The following LRMDA variants were observed in gnomAD, a reference collection of about 807,000 sequenced individuals.
LRMDA encodes the protein leucine-rich melanocyte differentiation-associated protein.
In LRMDA, 18 loss-of-function variants were observed where a neutral mutation model predicts 29.8. The observed-to-expected ratio is 0.60, with a 90% CI of 0.42 to 0.90. LRMDA has a LOEUF of 0.90. Ranked by LOEUF, LRMDA falls within the 40% of genes least tolerant of loss-of-function variation. LRMDA has a pLI of 0.00. For synonymous variants in LRMDA, 125 were observed against 109.4 expected (o/e 1.14, Z -0.89); for missense variants, 273 against 273.9 (o/e 1.00, Z 0.02).
chr10:76,168,493 C>T (rs1018134653), intron 5 of LRMDA, among the ~76,000 whole-genome samples: 1 of 152,164 alleles, frequency 6.6e-6, no homozygotes, highest in African/African-American at 2.4e-5. Flanking sequence ...AACAACTTTG[C>T]TCAAACAGAA....
chr10:75,656,056 A>G (rs1053283717), intron 2 of LRMDA, among the ~76,000 whole-genome samples: 5 of 152,126 alleles, frequency 3.3e-5, no homozygotes, highest in African/African-American at 1.2e-4. Context: ...TTTTTTGAGG[A>G]TAGTGCATAT....
chr10:76,223,700 C>T (rs944900936), intron 5 of LRMDA, among the ~76,000 whole-genome samples: 1 of 152,164 alleles, frequency 6.6e-6, no homozygotes, highest in East Asian at 1.9e-4. Flanking sequence ...CCCACCAGAA[C>T]CAACCATGCT....
rs1045982768 is a variant in LRMDA, at chr10:76,453,827, T to A, written c.602-103382T>A. On this transcript the variant is annotated intron_variant, in intron 6 of 6. Coordinates refer to ENST00000611255, the MANE Select transcript of LRMDA (RefSeq NM_001305581.2). ...TAATGTTCATAATTGTACCATTTGA[T>A]GCATTAAGATAAGTGAGCCAAAGAT... 1.5e-3 allele frequency among the ~76,000 whole-genome samples: 223 copies of A among 152,324 alleles called. 3 individuals carry two copies. Among genetic ancestry groups the A allele is most frequent in the Non-Finnish European group, 2.1e-4 (14 of 68,026 alleles).
At chr10:75,753,341 A>G (rs1221466689) in intron 2 of LRMDA, among the ~76,000 whole-genome samples, 2 of 152,256 alleles carry the variant, frequency 1.3e-5, no homozygotes, top group Non-Finnish European at 2.9e-5. Context: ...AGATAAACAA[A>G]TAAATTTAAA....
At chr10:75,490,732 C>A (rs963374091) in intron 2 of LRMDA, among the ~76,000 whole-genome samples, 3 of 152,102 alleles carry the variant, frequency 2.0e-5, no homozygotes, top group African/African-American at 7.2e-5. Flanking sequence ...GTTTTTCCAT[C>A]TATGTGACCC....
At chr10:75,467,956 TCACACACACACACACACACACACACACA>T (rs61295526) in intron 2 of LRMDA, among the ~76,000 whole-genome samples, 1 of 130,058 alleles carries the variant, frequency 7.7e-6, no homozygotes, top group East Asian at 2.3e-4. Context: ...TGAGACTCCG[TCACACACACACACACACACACACACACA>T]CACACACACA....
chr10:76,493,028 A>T (rs1842849011), intron 6 of LRMDA, among the ~76,000 whole-genome samples: 1 of 152,008 alleles, frequency 6.6e-6, no homozygotes, highest in Admixed American at 6.6e-5. Flanking sequence ...CTACCTGGTT[A>T]CCACATGTGA....
At chr10:75,920,590 G>A (rs1385225681) in intron 2 of LRMDA, among the ~76,000 whole-genome samples, 4 of 152,164 alleles carry the variant, frequency 2.6e-5, no homozygotes, top group Non-Finnish European at 5.9e-5. Context: ...AGTATATAGA[G>A]GAAAATTCCC....
chr10:76,291,485 C>A (rs1011603339), intron 5 of LRMDA, among the ~76,000 whole-genome samples: 27 of 152,248 alleles, frequency 1.8e-4, no homozygotes, highest in African/African-American at 5.5e-4. Flanking sequence ...GCTTTTCTTT[C>A]TCCTAGTTAG....
chr10:76,156,368 A>G lies in LRMDA; in HGVS notation c.516+97585A>G, dbSNP rs776472323. 3.9e-5 allele frequency among the ~76,000 whole-genome samples: 6 copies of G among 152,184 alleles called. 1 individual carries two copies. Among genetic ancestry groups the G allele is most frequent in the South Asian group, 4.1e-4 (2 of 4,830 alleles). Reference sequence around the variant, plus strand: ...ATTTTGCTTCTCTTCTATGAAAAAAACCGACTGTTTTCTTCATAAATTAGA... The same window carrying G: ...ATTTTGCTTCTCTTCTATGAAAAAAGCCGACTGTTTTCTTCATAAATTAGA... On this transcript the variant is annotated intron_variant, in intron 5 of 6. Transcript: ENST00000611255.
chr10:76,495,626 A>G (rs564384823), intron 6 of LRMDA, among the ~76,000 whole-genome samples: 31 of 152,058 alleles, frequency 2.0e-4, no homozygotes, highest in African/African-American at 7.2e-4. Flanking sequence ...ATTCATGAAC[A>G]TGGTATACCT....
At chr10:75,823,466 A>G (rs1844195699) in intron 2 of LRMDA, among the ~76,000 whole-genome samples, 1 of 152,168 alleles carries the variant, frequency 6.6e-6, no homozygotes, top group African/African-American at 2.4e-5. Flanking sequence ...AACAGATGGT[A>G]GTGAGGATAT....
At chr10:75,582,358 T>G (rs2132077917) in intron 2 of LRMDA, among the ~76,000 whole-genome samples, 1 of 152,306 alleles carries the variant, frequency 6.6e-6, no homozygotes, top group African/African-American at 2.4e-5. Flanking sequence ...AAGCCCCAGC[T>G]CTTGCATTCT....
intron 6 of LRMDA, among the ~76,000 whole-genome samples, chr10:76,475,074 G>C (rs911870351): frequency 1.5e-4 from 22 of 151,564 alleles, no homozygotes; most frequent in African/African-American, 5.3e-4. Context: ...GGTAAACCTT[G>C]AAAACATTAT....
intron 2 of LRMDA, among the ~76,000 whole-genome samples, chr10:75,874,476 A>T (rs2146595): frequency 1.3e-5 from 2 of 152,200 alleles, no homozygotes; most frequent in South Asian, 2.1e-4. Context: ...CTTAATAAGC[A>T]CATTTCTCTT....
chr10:75,495,158 A>G (rs1845029358), intron 2 of LRMDA, among the ~76,000 whole-genome samples: 1 of 152,074 alleles, frequency 6.6e-6, no homozygotes, highest in Non-Finnish European at 1.5e-5. Context: ...GAAGGGGAGA[A>G]TGGATATTGG....
At chr10:75,485,990 CTCTT>C (rs1844908601) in intron 2 of LRMDA, among the ~76,000 whole-genome samples, 1 of 152,122 alleles carries the variant, frequency 6.6e-6, no homozygotes, top group Non-Finnish European at 1.5e-5. Flanking sequence ...AGCATTTTAA[CTCTT>C]TCTTGCTTAG....
chr10:76,425,446 C>A (rs965513296), intron 6 of LRMDA, among the ~76,000 whole-genome samples: 1 of 151,838 alleles, frequency 6.6e-6, no homozygotes, highest in Non-Finnish European at 1.5e-5. Context: ...GGCCAAGTTG[C>A]TTAACCTCTG....
At chr10:75,897,542 A>G (rs1021585086) in intron 2 of LRMDA, among the ~76,000 whole-genome samples, 13 of 152,208 alleles carry the variant, frequency 8.5e-5, no homozygotes, top group African/African-American at 2.9e-4. Flanking sequence ...CCTTAGATAT[A>G]AAATATGCTT....
Sources: allele counts gnomAD v4.1 joint callset (sites outside exome capture counted in the v4.1 genomes callset), GRCh38; gene constraint gnomAD v4.1.1; transcripts MANE v1.5; gene names NCBI Gene and HGNC (gene_info 2026-07-23, HGNC 2026-07-21).